Variants in FMN1 observed in about 807,000 individuals in gnomAD.
FMN1 encodes formin-1.
FMN1 carries 110 observed loss-of-function variants against 132.4 expected under a neutral mutation model. The ratio of observed to expected loss-of-function variants is 0.83; its 90% CI spans 0.71 to 0.97. The LOEUF (loss-of-function observed/expected upper bound fraction) is 0.97, where lower values mean the gene tolerates loss of function less well. FMN1 is among the 50% of genes least tolerant of loss of function. The probability of loss-of-function intolerance (pLI) is 0.00; values close to 1 mark genes in which losing one functional copy is unlikely to be tolerated. For synonymous variants in FMN1, 722 were observed against 651.7 expected, an observed-to-expected ratio of 1.11 and a Z score of -1.64; for missense variants, 1,792 against 1,705.3, an observed-to-expected ratio of 1.05 and a Z score of -0.90.
At chr15:32,926,718 G>GT (rs1298500485) in intron 9 of FMN1, among the ~76,000 whole-genome samples, 1 of 152,206 alleles carries the variant, frequency 6.6e-6, no homozygotes, top group Non-Finnish European at 1.5e-5. Flanking sequence ...AGCCACCAGT[G>GT]ATATGGCCTT....
At chr15:32,853,295 T>C (rs888760147) in intron 17 of FMN1, among the ~76,000 whole-genome samples, 2 of 152,238 alleles carry the variant, frequency 1.3e-5, no homozygotes, top group African/African-American at 4.8e-5. Flanking sequence ...TATGCCTAAT[T>C]ATAGTACCAC....
chr15:32,836,962 CA>C (rs1383856181), intron 17 of FMN1: 4 of 201,538 alleles, frequency 2.0e-5, no homozygotes, highest in Admixed American at 9.4e-5. Flanking sequence ...AAAATAGATG[CA>C]TTTTTTTTTT....
intron 4 of FMN1, among the ~76,000 whole-genome samples, chr15:33,127,061 C>T (rs1279428934): frequency 1.3e-5 from 2 of 151,746 alleles, no homozygotes; most frequent in African/African-American, 2.4e-5. Context: ...ATTAAGCTTT[C>T]TGCTGTTTTC....
At position 32,910,474 on chromosome 15, in the gene FMN1, GT is replaced by G; in HGVS notation, c.3287del (p.Asn1096ThrfsTer11). 2 of 1,574,288 alleles carry G rather than the reference GT, an allele frequency of 1.3e-6. No homozygotes were observed. The highest frequency in any genetic ancestry group is 1.8e-5 in the Admixed American group (1 of 54,362). ...AGCTCTGTAAGTCTTTGACACTCACGTTTTCATATAAGGCTGCCAGGGTCTC... is the reference window on the plus strand; with the variant it reads ...AGCTCTGTAAGTCTTTGACACTCACGTTTCATATAAGGCTGCCAGGGTCTC... ...DLETLAALYENRAQEDELVKI... is the reference protein window; with the variant it reads ...DLETLAALYEXRAQEDELVKI... On this transcript the variant is annotated frameshift_variant and splice_region_variant, in exon 11 of 21. Transcript: ENST00000616417. LOFTEE classifies it high-confidence loss of function.
intron 19 of FMN1, among the ~76,000 whole-genome samples, chr15:32,784,672 C>T (rs1407261384): frequency 6.6e-6 from 1 of 152,130 alleles, no homozygotes; most frequent in Non-Finnish European, 1.5e-5. Flanking sequence ...TATTACTTTC[C>T]AGGTAAGTTC....
intron 16 of FMN1, among the ~76,000 whole-genome samples, chr15:32,881,089 A>T (rs80118909): frequency 1.0e-5 from 1 of 100,378 alleles, no homozygotes; most frequent in Non-Finnish European, 2.3e-5. Context: ...TTTTTTGTAT[A>T]TTTTGTATAT....
intron 4 of FMN1, among the ~76,000 whole-genome samples, chr15:33,116,780 C>T (rs973404683): frequency 4.6e-5 from 7 of 151,520 alleles, no homozygotes; most frequent in African/African-American, 1.7e-4. Context: ...GAGAAATAGT[C>T]GACAAAGTAT....
intron 12 of FMN1, among the ~76,000 whole-genome samples, chr15:32,907,651 C>T (rs2060459263): frequency 6.6e-6 from 1 of 152,160 alleles, no homozygotes; most frequent in African/African-American, 2.4e-5. Flanking sequence ...GATCTGATAG[C>T]TCCATTTCTG....
chr15:33,173,077 T>C (rs1965388817), intron 3 of FMN1, among the ~76,000 whole-genome samples: 1 of 152,156 alleles, frequency 6.6e-6, no homozygotes, highest in Admixed American at 6.5e-5. Context: ...AAAGTTGTTG[T>C]ATATCATGGT....
At chr15:33,137,837 C>T (rs568403563) in intron 4 of FMN1, among the ~76,000 whole-genome samples, 1 of 152,236 alleles carries the variant, frequency 6.6e-6, no homozygotes, top group South Asian at 2.1e-4. Context: ...TCAACTCATC[C>T]CCTGTTACAA....
At chr15:32,953,617 G>T (rs1322276581) in intron 9 of FMN1, among the ~76,000 whole-genome samples, 1 of 152,140 alleles carries the variant, frequency 6.6e-6, no homozygotes, top group Non-Finnish European at 1.5e-5. Context: ...GGTCCAGCCA[G>T]ACTATCCTAG....
intron 20 of FMN1, among the ~76,000 whole-genome samples, chr15:32,776,150 A>AGTT (rs1393543271): frequency 1.3e-5 from 2 of 152,254 alleles, no homozygotes; most frequent in Non-Finnish European, 2.9e-5. Flanking sequence ...TTTTACAACT[A>AGTT]TTTAAGTGGC....
chr15:33,168,739 C>T (rs1224067885), intron 3 of FMN1, among the ~76,000 whole-genome samples: 1 of 152,178 alleles, frequency 6.6e-6, no homozygotes, highest in South Asian at 2.1e-4. Context: ...TTTAAACCAA[C>T]CCCAACTTTG....
At chr15:33,192,289 T>C (rs931900070) in intron 2 of FMN1, among the ~76,000 whole-genome samples, 3 of 152,194 alleles carry the variant, frequency 2.0e-5, no homozygotes, top group Non-Finnish European at 2.9e-5. Context: ...TTCCAGTCTG[T>C]CCCCATTCCT....
At chr15:32,775,263 C>T (rs561592511) in intron 20 of FMN1, among the ~76,000 whole-genome samples, 1 of 152,072 alleles carries the variant, frequency 6.6e-6, no homozygotes, top group Non-Finnish European at 1.5e-5. Flanking sequence ...CCCTAACTTG[C>T]GAAATTGAAT....
At chr15:32,842,133 T>C (rs1321827657) in intron 17 of FMN1, among the ~76,000 whole-genome samples, 1 of 152,208 alleles carries the variant, frequency 6.6e-6, no homozygotes, top group African/African-American at 2.4e-5. Flanking sequence ...TCATTCCCAG[T>C]GTTTGAGAGG....
At chr15:33,117,281 G>A (rs1408098747) in intron 4 of FMN1, among the ~76,000 whole-genome samples, 2 of 152,148 alleles carry the variant, frequency 1.3e-5, no homozygotes, top group Non-Finnish European at 2.9e-5. Flanking sequence ...AACAACGAAA[G>A]TATTTGTAAT....
Position 32,928,472 on chromosome 15 carries a change from C to A in FMN1, c.3139-2211G>T, listed in dbSNP as rs148913506. ...AAGTCAATTTAGCCATGCACCCATTCAAAAAATATTTACTGTACACGTTAC... is the reference window on the plus strand; with the variant it reads ...AAGTCAATTTAGCCATGCACCCATTAAAAAAATATTTACTGTACACGTTAC... On this transcript the variant is annotated intron_variant, in intron 9 of 20. Coordinates refer to ENST00000616417, the MANE Select transcript of FMN1 (RefSeq NM_001277313.2). Among the ~76,000 whole-genome samples, 136 of 152,238 alleles carry A rather than the reference C, an allele frequency of 8.9e-4. 1 individual carries two copies. The highest frequency in any genetic ancestry group is 3.2e-3 in the African/African-American group (132 of 41,538).
At chr15:32,917,644 C>A (rs1187955266) in intron 10 of FMN1, among the ~76,000 whole-genome samples, 26 of 152,164 alleles carry the variant, frequency 1.7e-4, no homozygotes, top group Admixed American at 1.4e-3. Context: ...CTTGGTTTCC[C>A]AAGCTCAATT....
Sources: gnomAD v4.1 joint callset for allele counts (sites outside exome capture counted in the v4.1 genomes callset) on GRCh38, gnomAD v4.1.1 for gene constraint, MANE v1.5 for transcripts, NCBI Gene and HGNC (gene_info 2026-07-23, HGNC 2026-07-21) for gene names.